Variants in PEX5L observed in about 807,000 individuals in gnomAD.
The protein encoded by PEX5L is PEX5-related protein.
PEX5L carries 30 observed loss-of-function variants against 84.0 expected under a neutral mutation model. That is an observed-to-expected ratio of 0.36 (90% CI 0.27 to 0.48). PEX5L has a LOEUF of 0.48. Ranked by LOEUF, PEX5L falls within the 20% of genes least tolerant of loss-of-function variation. PEX5L has a pLI of 0.99. For missense variants in PEX5L, 533 were observed against 754.6 expected (o/e 0.71, Z 3.44); for synonymous variants, 270 against 283.1 (o/e 0.95, Z 0.46).
intron 1 of PEX5L, among the ~76,000 whole-genome samples, chr3:179,990,431 C>T (rs1434821850): frequency 6.6e-6 from 1 of 151,720 alleles, no homozygotes; most frequent in African/African-American, 2.4e-5. Context: ...TAGGGTCTTG[C>T]TCTGTTGCCC....
At chr3:179,842,941 G>GTGA (rs1737844345) in intron 8 of PEX5L, among the ~76,000 whole-genome samples, 1 of 151,884 alleles carries the variant, frequency 6.6e-6, no homozygotes. Flanking sequence ...ACTGAAGCTG[G>GTGA]TGATGTAAGT....
chr3:179,966,228 G>A (rs144391381), intron 2 of PEX5L, among the ~76,000 whole-genome samples: 165 of 152,272 alleles, frequency 1.1e-3, no homozygotes, highest in African/African-American at 3.7e-3. Flanking sequence ...TCATGCTTCA[G>A]AATCTGCAGG....
intron 1 of PEX5L, among the ~76,000 whole-genome samples, chr3:179,988,168 G>A (rs1787030271): frequency 6.6e-6 from 1 of 152,126 alleles, no homozygotes; most frequent in Non-Finnish European, 1.5e-5. Context: ...AGGAGGCCAA[G>A]GTGGGTGGAT....
intron 7 of PEX5L, among the ~76,000 whole-genome samples, chr3:179,871,755 T>A (rs920948954): frequency 6.6e-6 from 1 of 152,264 alleles, no homozygotes; most frequent in East Asian, 1.9e-4. Flanking sequence ...ACTTTCCTTT[T>A]ACTTTCTGTA....
intron 2 of PEX5L, among the ~76,000 whole-genome samples, chr3:179,953,278 T>C (rs1261524611): frequency 7.9e-5 from 12 of 152,312 alleles, no homozygotes; most frequent in Middle Eastern, 3.4e-3. Flanking sequence ...AAAGAGCTTC[T>C]GCACATCAAA....
intron 1 of PEX5L, chr3:179,974,197 T>C (rs1785459518): frequency 2.0e-6 from 2 of 985,342 alleles, no homozygotes; most frequent in Non-Finnish European, 2.4e-6. Context: ...GCGTGGTCTT[T>C]CACAGTAGCC....
At chr3:179,809,385 G>A (rs922522528) in intron 12 of PEX5L, 86 bp downstream of exon 12, 1 of 948,244 alleles carries the variant, frequency 1.1e-6, no homozygotes, top group South Asian at 1.4e-5. Flanking sequence ...GTGGTGTCTA[G>A]GGTGTGAGGC....
chr3:180,017,817 C>T (rs1000066797), intron 1 of PEX5L, among the ~76,000 whole-genome samples: 4 of 151,984 alleles, frequency 2.6e-5, no homozygotes, highest in Non-Finnish European at 5.9e-5. Context: ...TAAGTATTTA[C>T]TTCTATAAAC....
chr3:179,931,559 T>C (rs1773121770), intron 2 of PEX5L, among the ~76,000 whole-genome samples: 1 of 152,216 alleles, frequency 6.6e-6, no homozygotes, highest in Admixed American at 6.5e-5. Flanking sequence ...ATTATAAATA[T>C]CTTAGAAAAA....
At chr3:179,949,115 G>C (rs578057378) in intron 2 of PEX5L, among the ~76,000 whole-genome samples, 17 of 152,118 alleles carry the variant, frequency 1.1e-4, no homozygotes, top group African/African-American at 4.1e-4. Flanking sequence ...TAACTGTACA[G>C]GTCTTTCTCA....
In PEX5L at chr3:179,809,073, CAAAAAAAA is replaced by C. The variant is rs10684376; in HGVS notation, c.1352+390_1352+397del. 6.7e-4 allele frequency among the ~76,000 whole-genome samples: 32 copies of C among 47,778 alleles called. No individual in the cohort carries two copies. In the East Asian group the frequency reaches 7.5e-3, roughly 11 times the overall value. The allele number at this position is 47,778 out of a possible 152,430, so 31.3% of individuals were successfully genotyped here. A position where few individuals can be genotyped will look rare whatever the true frequency, so the allele number is the denominator to read the frequency against. On this transcript the variant is annotated intron_variant, in intron 12 of 14. Transcript: ENST00000467460. The stretch of plus-strand genomic sequence containing the variant: ...TGGGCGACAGAGTGAGATTCCGCCT[CAAAAAAAA>C]AAAAAAAAAAAAAAAAAAAGAAAAC...
intron 3 of PEX5L, among the ~76,000 whole-genome samples, chr3:179,895,223 C>T (rs772620091): frequency 3.3e-5 from 5 of 151,954 alleles, no homozygotes; most frequent in East Asian, 1.9e-4. Flanking sequence ...TTATAAAAAT[C>T]GTTAATGTGA....
chr3:179,811,667 T>C (rs1448794694), intron 11 of PEX5L, 134 bp downstream of exon 11: 3 of 706,250 alleles, frequency 4.2e-6, no homozygotes, highest in South Asian at 1.7e-5. Flanking sequence ...GTGAGTGATA[T>C]GCGGTATCTC....
At chr3:179,944,005 C>T (rs527550052) in intron 2 of PEX5L, among the ~76,000 whole-genome samples, 2 of 151,548 alleles carry the variant, frequency 1.3e-5, no homozygotes, top group African/African-American at 2.4e-5. Context: ...TGCCCTCCCC[C>T]CCCCAAAAAA....
intron 1 of PEX5L, among the ~76,000 whole-genome samples, chr3:180,032,787 T>C (rs528533550): frequency 6.6e-5 from 10 of 152,016 alleles, no homozygotes; most frequent in Admixed American, 3.9e-4. Context: ...CAGGGAGGCA[T>C]AGCAAGCAGT....
At position 179,807,668 on chromosome 3, in the gene PEX5L, C is replaced by T; in HGVS notation, c.1676+6G>A. ...CCTTCATCCTTGGCCTGTTGCTGTA[C>T]TTCACCTGTAGGCGCCCAGGTTGAT... On this transcript the variant is annotated splice_donor_region_variant and intron_variant, in intron 14 of 14. Transcript: ENST00000467460. The T allele has an allele frequency of 6.2e-7, 1 of 1,613,558 alleles. No individual in the cohort carries two copies. The highest frequency in any genetic ancestry group is 8.5e-7 in the Non-Finnish European group (1 of 1,179,622).
intron 8 of PEX5L, among the ~76,000 whole-genome samples, chr3:179,852,091 C>T (rs557033404): frequency 5.3e-5 from 8 of 152,226 alleles, no homozygotes; most frequent in East Asian, 1.9e-4. Flanking sequence ...AAGCAACACG[C>T]GTTTACTATG....
At chr3:179,991,401 T>C (rs1015296229) in intron 1 of PEX5L, among the ~76,000 whole-genome samples, 3 of 152,274 alleles carry the variant, frequency 2.0e-5, no homozygotes, top group Non-Finnish European at 4.4e-5. Context: ...GCTGGGCAAT[T>C]TCTTATCATC....
intron 8 of PEX5L, among the ~76,000 whole-genome samples, chr3:179,853,760 C>T (rs540243731): frequency 6.6e-6 from 1 of 151,486 alleles, no homozygotes; most frequent in East Asian, 2.0e-4. Flanking sequence ...TTCTCTTCTT[C>T]CTCCTCTTCT....
Sources: gnomAD v4.1 joint callset for allele counts (sites outside exome capture counted in the v4.1 genomes callset) on GRCh38, gnomAD v4.1.1 for gene constraint, MANE v1.5 for transcripts, NCBI Gene and HGNC (gene_info 2026-07-23, HGNC 2026-07-21) for gene names.